The following TULP4 variants were observed in gnomAD, a reference collection of about 807,000 sequenced individuals.
TULP4 encodes the protein tubby-related protein 4.
TULP4 carries 16 observed loss-of-function variants against 129.0 expected under a neutral mutation model. That is an observed-to-expected ratio of 0.12 (90% CI 0.08 to 0.19). The LOEUF (loss-of-function observed/expected upper bound fraction) is 0.19. TULP4 is among the 10% of genes least tolerant of loss of function. The pLI is 1.00. For synonymous variants in TULP4, 998 were observed against 854.0 expected, an observed-to-expected ratio of 1.17 and a Z score of -2.94; for missense variants, 1,842 against 2,059.1, an observed-to-expected ratio of 0.89 and a Z score of 2.04.
chr6:158,410,277 A>G (rs1778064660), intron 1 of TULP4, among the ~76,000 whole-genome samples: 1 of 152,218 alleles, frequency 6.6e-6, no homozygotes, highest in Non-Finnish European at 1.5e-5. Context: ...ATTTAAAAAT[A>G]TGTTTTGCCT....
chr6:158,356,630 A>G (rs376492711), intron 1 of TULP4, among the ~76,000 whole-genome samples: 10 of 152,110 alleles, frequency 6.6e-5, no homozygotes, highest in African/African-American at 2.4e-4. Context: ...CCAGGGTCCA[A>G]TTCTTAACAA....
intron 5 of TULP4, among the ~76,000 whole-genome samples, chr6:158,457,193 T>C (rs1330522741): frequency 6.6e-6 from 1 of 152,182 alleles, no homozygotes; most frequent in African/African-American, 2.4e-5. Flanking sequence ...TTTTTCTCTA[T>C]TACTGTCTCA....
rs745606459 is a variant in TULP4, at chr6:158,502,130, C to T, written c.2467C>T (p.Pro823Ser). 3.1e-6 allele frequency: 5 copies of T among 1,606,186 alleles called. No homozygotes were observed. The East Asian group carries it at 8.9e-5, about 29-fold the overall frequency. Reference sequence around the variant, plus strand: ...GGGGGACGCAGTGGTCTTTAGTGCCCCCCAGGAGGTCCAGGTGACGAAGAT... The same window carrying T: ...GGGGGACGCAGTGGTCTTTAGTGCCTCCCAGGAGGTCCAGGTGACGAAGAT... ...AEGDAVVFSA[P>S]QEVQVTKINP... Residue 823 changes from proline (P) to serine (S), a missense_variant, in exon 13 of 14, where the codon CCC becomes TCC. Transcript: ENST00000367097.
At chr6:158,381,379 C>A (rs111724438) in intron 1 of TULP4, among the ~76,000 whole-genome samples, 1 of 152,082 alleles carries the variant, frequency 6.6e-6, no homozygotes, top group Non-Finnish European at 1.5e-5. Context: ...TGTAATCAAA[C>A]GTAATATTTC....
chr6:158,464,691 G>A (rs764639065), intron 6 of TULP4, among the ~76,000 whole-genome samples: 8 of 152,294 alleles, frequency 5.3e-5, no homozygotes, highest in East Asian at 3.9e-4. Context: ...GAGCCACTGC[G>A]CCTGGCCCCA....
intron 3 of TULP4, among the ~76,000 whole-genome samples, chr6:158,440,001 G>A (rs1005543733): frequency 4.6e-5 from 7 of 151,500 alleles, no homozygotes; most frequent in South Asian, 2.1e-4. Context: ...GTGAGCCACC[G>A]TGTCCGGCCT....
At chr6:158,477,152 T>C (rs1053565589) in intron 6 of TULP4, among the ~76,000 whole-genome samples, 2 of 152,206 alleles carry the variant, frequency 1.3e-5, no homozygotes, top group Non-Finnish European at 2.9e-5. Flanking sequence ...AAAGCTGATT[T>C]TCATCTAGTT....
At chr6:158,475,326 C>T (rs1309412763) in intron 6 of TULP4, among the ~76,000 whole-genome samples, 1 of 152,270 alleles carries the variant, frequency 6.6e-6, no homozygotes, top group Non-Finnish European at 1.5e-5. Context: ...CCCTGTTCCA[C>T]CAGACCCACA....
intron 1 of TULP4, among the ~76,000 whole-genome samples, chr6:158,244,325 CAA>C (rs971259601): frequency 2.0e-5 from 3 of 152,126 alleles, no homozygotes; most frequent in African/African-American, 7.2e-5. Flanking sequence ...GTGCAATAAA[CAA>C]AATGTTCAGT....
chr6:158,363,700 G>T (rs772614076), intron 1 of TULP4, among the ~76,000 whole-genome samples: 14 of 152,104 alleles, frequency 9.2e-5, no homozygotes, highest in Non-Finnish European at 2.1e-4. Flanking sequence ...TGGCCAGGCT[G>T]GTCCTGAACT....
intron 9 of TULP4, among the ~76,000 whole-genome samples, chr6:158,491,274 T>A (rs1780191777): frequency 6.6e-6 from 1 of 152,236 alleles, no homozygotes; most frequent in Non-Finnish European, 1.5e-5. Flanking sequence ...TCTCCAGTGA[T>A]GGATGCTGCT....
rs959241503 is a variant in TULP4 at position 158,485,140 on chromosome 6, G to C, written c.1486+3851G>C. Among the ~76,000 whole-genome samples, 4 of 152,236 alleles carry C rather than the reference G, an allele frequency of 2.6e-5. No homozygotes were observed. In the East Asian group the frequency reaches 5.8e-4, roughly 22 times the overall value. Reference sequence around the variant, plus strand: ...AGGATTTGAGTAAACTGTGTTTACTGTTTCATGGAAGGTAGAACTTGCAAG... The same window carrying C: ...AGGATTTGAGTAAACTGTGTTTACTCTTTCATGGAAGGTAGAACTTGCAAG... On this transcript the variant is annotated intron_variant, in intron 8 of 13. Transcript: ENST00000367097.
At chr6:158,349,794 CG>C (rs1360985257) in intron 1 of TULP4, among the ~76,000 whole-genome samples, 2 of 136,732 alleles carry the variant, frequency 1.5e-5, no homozygotes, top group Non-Finnish European at 3.1e-5. Flanking sequence ...CCAGACGGGG[CG>C]GCCGGGCAGA....
intron 1 of TULP4, among the ~76,000 whole-genome samples, chr6:158,262,688 G>A (rs981685837): frequency 6.6e-5 from 10 of 152,298 alleles, no homozygotes; most frequent in Admixed American, 2.0e-4. Context: ...AAGAAGGCTG[G>A]AGGGTGGTGT....
At chr6:158,279,350 A>C (rs1374620348), upstream of TULP4, among the ~76,000 whole-genome samples, 2 of 152,172 alleles carry the variant, frequency 1.3e-5, no homozygotes, top group South Asian at 2.1e-4. Context: ...GATACTGTTA[A>C]ATTCACACTT....
chr6:158,348,401 G>A (rs1012620238), intron 1 of TULP4, among the ~76,000 whole-genome samples: 12 of 151,838 alleles, frequency 7.9e-5, no homozygotes, highest in Admixed American at 1.3e-4. Flanking sequence ...CTGCCTTCAA[G>A]CATCTGTTTA....
At chr6:158,366,509 T>C (rs1780968023) in intron 1 of TULP4, among the ~76,000 whole-genome samples, 1 of 152,138 alleles carries the variant, frequency 6.6e-6, no homozygotes, top group African/African-American at 2.4e-5. Context: ...ACAGACCTCT[T>C]TTCAGTTTCT....
chr6:158,247,768 C>T (rs529655820), intron 1 of TULP4, among the ~76,000 whole-genome samples: 23 of 152,288 alleles, frequency 1.5e-4, no homozygotes, highest in Admixed American at 7.2e-4. Context: ...ATCATTGTTA[C>T]GAACAGCTAT....
At chr6:158,443,562 T>C (rs1426448230) in intron 3 of TULP4, among the ~76,000 whole-genome samples, 1 of 152,230 alleles carries the variant, frequency 6.6e-6, no homozygotes, top group Non-Finnish European at 1.5e-5. Flanking sequence ...AGGAATCATT[T>C]AACATTAAAT....
Sources: allele counts gnomAD v4.1 joint callset (sites outside exome capture counted in the v4.1 genomes callset), GRCh38; gene constraint gnomAD v4.1.1; transcripts MANE v1.5; gene names NCBI Gene and HGNC (gene_info 2026-07-23, HGNC 2026-07-21).